DCAF8L2: variants seen among roughly 807,000 people sequenced by gnomAD.
DCAF8L2 encodes the protein DDB1 and CUL4 associated factor 8 like 2.
For missense variants in DCAF8L2, 430 were observed against 490.7 expected, an observed-to-expected ratio of 0.88 and a Z score of 1.17; for synonymous variants, 200 against 190.9, an observed-to-expected ratio of 1.05 and a Z score of -0.39.
At chrX:27,473,583 T>C in the DCAF8L2 span, among the ~76,000 whole-genome samples, 1 of 111,463 alleles carries the variant, frequency 9.0e-6, no homozygotes, top group Non-Finnish European at 1.9e-5. Context: ...GCCAAACATA[T>C]CTGACCTTAC....
intron 2 of DCAF8L2, among the ~76,000 whole-genome samples, chrX:27,667,824 T>G (rs1169796637): frequency 8.9e-6 from 1 of 112,491 alleles, no homozygotes; most frequent in Non-Finnish European, 1.9e-5. Context: ...CCATACTGAT[T>G]AATTTATCAC....
intron 3 of DCAF8L2, among the ~76,000 whole-genome samples, chrX:27,702,315 A>G (rs72623780): frequency 3.0e-5 from 1 of 33,732 alleles, no homozygotes; most frequent in Non-Finnish European, 5.6e-5. Flanking sequence ...AAATTCTTTG[A>G]AAAAAAAAAT....
At chrX:27,517,748 A>G in the DCAF8L2 span, 6 of 1,123,190 alleles carry the variant, frequency 5.3e-6, no homozygotes, top group East Asian at 3.0e-5. Flanking sequence ...CAGAACATAT[A>G]TGCAAAATAA....
At chrX:27,664,160 C>G (rs1018030618) in intron 2 of DCAF8L2, among the ~76,000 whole-genome samples, 3 of 111,077 alleles carry the variant, frequency 2.7e-5, no homozygotes, top group African/African-American at 9.8e-5. Context: ...AAACCTAGGC[C>G]TCTTTTGCCA....
the DCAF8L2 span, among the ~76,000 whole-genome samples, chrX:27,526,112 G>C: frequency 8.9e-6 from 1 of 112,011 alleles, no homozygotes; most frequent in African/African-American, 3.2e-5. Flanking sequence ...ATAATATCCT[G>C]CAGAGTACTT....
chrX:27,600,892 T>A (rs1569156362), intron 1 of DCAF8L2, among the ~76,000 whole-genome samples: 2 of 111,794 alleles, frequency 1.8e-5, no homozygotes, highest in Admixed American at 9.5e-5. Flanking sequence ...TTCATTGTTC[T>A]TTATGAAATA....
At chrX:27,549,505 A>G in the DCAF8L2 span, among the ~76,000 whole-genome samples, 1 of 111,651 alleles carries the variant, frequency 9.0e-6, no homozygotes, top group Non-Finnish European at 1.9e-5. Context: ...GATTGCCAGG[A>G]CAAAAGATAT....
chrX:27,593,931 G>A (rs991742729), intron 1 of DCAF8L2, among the ~76,000 whole-genome samples: 12 of 112,059 alleles, frequency 1.1e-4, no homozygotes, highest in Non-Finnish European at 1.7e-4. Flanking sequence ...CATTAAAAAA[G>A]CTTGAAAGCC....
intron 4 of DCAF8L2, among the ~76,000 whole-genome samples, chrX:27,741,681 A>G (rs1457213165): frequency 8.9e-6 from 1 of 111,848 alleles, no homozygotes; most frequent in East Asian, 2.8e-4. Flanking sequence ...GAGAAGGATG[A>G]AGATGGCTTC....
At chrX:27,581,200 C>T in the DCAF8L2 span, among the ~76,000 whole-genome samples, 2 of 111,962 alleles carry the variant, frequency 1.8e-5, no homozygotes, top group Admixed American at 9.5e-5. Flanking sequence ...TGTCCATCAG[C>T]AGCATTAACT....
chrX:27,701,363 T>C (rs189117289), intron 3 of DCAF8L2, among the ~76,000 whole-genome samples: 2 of 111,337 alleles, frequency 1.8e-5, no homozygotes, highest in Admixed American at 1.9e-4. Context: ...TTAGCAATAC[T>C]GTAAAGTGAC....
the DCAF8L2 span, among the ~76,000 whole-genome samples, chrX:27,539,908 C>T: frequency 9.0e-6 from 1 of 110,793 alleles, no homozygotes; most frequent in Non-Finnish European, 1.9e-5. Flanking sequence ...GTGTTAGTTC[C>T]TTTAGGCTAT....
chrX:27,726,480 A>G (rs1158321220), intron 4 of DCAF8L2, among the ~76,000 whole-genome samples: 3 of 111,117 alleles, frequency 2.7e-5, no homozygotes, highest in Non-Finnish European at 5.7e-5. Context: ...TAAGCAAATC[A>G]TATGTGTAGA....
intron 2 of DCAF8L2, among the ~76,000 whole-genome samples, chrX:27,639,986 C>T (rs766822710): frequency 4.8e-5 from 5 of 104,678 alleles, no homozygotes; most frequent in Non-Finnish European, 9.7e-5. Flanking sequence ...ATATGCACAA[C>T]GTGCAGGTTT....
intron 2 of DCAF8L2, among the ~76,000 whole-genome samples, chrX:27,667,366 A>T (rs1444221741): frequency 8.9e-6 from 1 of 111,945 alleles, no homozygotes; most frequent in Non-Finnish European, 1.9e-5. Flanking sequence ...ATGAGTAAAT[A>T]TGCAAACCAT....
intron 2 of DCAF8L2, among the ~76,000 whole-genome samples, chrX:27,644,133 G>A (rs915880020): frequency 2.7e-5 from 3 of 111,738 alleles, no homozygotes; most frequent in Non-Finnish European, 5.6e-5. Context: ...TCTAACCCAT[G>A]ACCCTGATTT....
At chrX:27,681,466 G>T (rs1270697107) in intron 3 of DCAF8L2, among the ~76,000 whole-genome samples, 1 of 111,395 alleles carries the variant, frequency 9.0e-6, no homozygotes, top group Middle Eastern at 4.7e-3. Context: ...CAAGTCCTTT[G>T]GGAAGTCCAC....
the DCAF8L2 span, among the ~76,000 whole-genome samples, chrX:27,501,825 G>A: frequency 9.0e-6 from 1 of 110,702 alleles, no homozygotes; most frequent in South Asian, 3.9e-4. Context: ...TGAGTACTGA[G>A]TCATAGTGGA....
chrX:27,746,959 A>T lies in DCAF8L2; in HGVS notation c.64A>T (p.Ser22Cys). 1 of 1,204,399 alleles carries T rather than the reference A, an allele frequency of 8.3e-7. No individual in the cohort carries two copies. ...PDLGTESLFS[S>C]PEEQSGAVAA... The stretch of plus-strand genomic sequence containing the variant: ...CTTAGGGACTGAAAGCCTGTTCAGC[A>T]GCCCAGAGGAGCAGTCTGGAGCCGT... The change falls in exon 5 of 5, where the codon AGC (serine) becomes TGC (cysteine). Residue 22 changes from serine (S) to cysteine (C), a missense_variant. Ser to Cys is a moderately radical substitution (Grantham distance 112). Transcript: ENST00000451261.
Sources: allele counts gnomAD v4.1 joint callset (sites outside exome capture counted in the v4.1 genomes callset), GRCh38; gene constraint gnomAD v4.1.1; transcripts MANE v1.5; gene names NCBI Gene and HGNC (gene_info 2026-07-23, HGNC 2026-07-21).